ZNF420: variants seen among roughly 807,000 people sequenced by gnomAD.
ZNF420 encodes the protein zinc finger protein 420.
In ZNF420, 31 loss-of-function variants were observed where a neutral mutation model predicts 44.7. That is an observed-to-expected ratio of 0.69 (90% confidence interval 0.52 to 0.94). The LOEUF (loss-of-function observed/expected upper bound fraction) is 0.94. Ranked by LOEUF, ZNF420 falls within the 40% of genes least tolerant of loss-of-function variation. The pLI is 0.00. For synonymous variants in ZNF420, 245 were observed against 267.4 expected (o/e 0.92, Z 0.82); for missense variants, 681 against 827.9 (o/e 0.82, Z 2.18).
At chr19:37,040,671 A>C (rs1205985110) in intron 1 of ZNF420, among the ~76,000 whole-genome samples, 3 of 152,198 alleles carry the variant, frequency 2.0e-5, no homozygotes, top group African/African-American at 7.2e-5. Context: ...AGAGGTTATC[A>C]TAAGATCAAA....
chr19:37,098,313 G>A (rs1373445349), intron 4 of ZNF420, among the ~76,000 whole-genome samples: 1 of 152,112 alleles, frequency 6.6e-6, no homozygotes, highest in Non-Finnish European at 1.5e-5. Context: ...GGAATCTATT[G>A]CCTTGAATAT....
rs540461506 is a variant in ZNF420, at chr19:37,090,898, C to T, written c.10-97C>T. The T allele has an allele frequency of 2.2e-5, 29 of 1,304,646 alleles. No homozygotes were observed. In the African/African-American group the frequency reaches 2.6e-4, roughly 12 times the overall value. 80.8% of individuals were successfully genotyped at this position (1,304,646 alleles called of 1,614,324 possible). On this transcript the variant is annotated intron_variant, in intron 3 of 4. Coordinates refer to ENST00000337995, the MANE Select transcript of ZNF420 (RefSeq NM_144689.5). ...TCGCGCCACTGCACTCCAGCCTGAG[C>T]GACAGAGCAAGACTCCATCTCAAAA...
intron 1 of ZNF420, among the ~76,000 whole-genome samples, chr19:37,049,022 CAT>C (rs1275571830): frequency 1.3e-5 from 2 of 152,042 alleles, no homozygotes; most frequent in Non-Finnish European, 2.9e-5. Flanking sequence ...CAGCTTCATC[CAT>C]GTCCCTACAA....
intron 4 of ZNF420, among the ~76,000 whole-genome samples, chr19:37,123,568 G>A (rs1971171971): frequency 7.2e-6 from 1 of 139,560 alleles, no homozygotes; most frequent in Admixed American, 7.2e-5. Flanking sequence ...TCACTTCATT[G>A]CTTGACTTCT....
At chr19:37,015,274 C>T (rs1220839170) in intron 1 of ZNF420, among the ~76,000 whole-genome samples, 1 of 152,234 alleles carries the variant, frequency 6.6e-6, no homozygotes, top group East Asian at 1.9e-4. Flanking sequence ...GCCCCACGTC[C>T]TTTGTTTTGC....
chr19:37,084,504 T>A (rs193015485), intron 2 of ZNF420, among the ~76,000 whole-genome samples: 3 of 152,324 alleles, frequency 2.0e-5, no homozygotes, highest in Admixed American at 6.5e-5. Flanking sequence ...TCATGTAATA[T>A]CTTTGTGAGG....
chr19:37,018,118 A>G (rs1453260672), intron 1 of ZNF420, among the ~76,000 whole-genome samples: 1 of 152,240 alleles, frequency 6.6e-6, no homozygotes, highest in Non-Finnish European at 1.5e-5. Flanking sequence ...GACTTGTCCA[A>G]TGAAAACTAC....
At chr19:37,095,105 TA>T (rs1454000247) in intron 4 of ZNF420, among the ~76,000 whole-genome samples, 2 of 144,098 alleles carry the variant, frequency 1.4e-5, no homozygotes, top group African/African-American at 5.2e-5. Flanking sequence ...CACTCCAGCC[TA>T]GTGATAGAGA....
chr19:37,129,140 G>C lies in ZNF420; in HGVS notation c.*82G>C. On this transcript the variant is annotated 3_prime_UTR_variant, in exon 5 of 5. Transcript: ENST00000337995. ...AATTCTCACAAATGTGAATATGGGC[G>C]CACATTTGCCTCATAAAGCACAGCA... 1.4e-6 allele frequency: 2 copies of C among 1,481,344 alleles called. No homozygotes were observed. The highest frequency in any genetic ancestry group is 9.1e-7 in the Non-Finnish European group (1 of 1,098,640). 91.8% of individuals were successfully genotyped at this position (1,481,344 alleles called of 1,614,324 possible). A position where few individuals can be genotyped will look rare whatever the true frequency, so the allele number is the denominator to read the frequency against.
At chr19:37,112,979 C>T (rs1853412429) in intron 4 of ZNF420, among the ~76,000 whole-genome samples, 1 of 152,130 alleles carries the variant, frequency 6.6e-6, no homozygotes, top group African/African-American at 2.4e-5. Flanking sequence ...CCGCTTGTGG[C>T]CGGGGACAGT....
At chr19:37,109,598 G>T (rs576506843) in intron 4 of ZNF420, 2 of 152,322 alleles carry the variant, frequency 1.3e-5, no homozygotes, top group East Asian at 3.9e-4. Context: ...TGATTGCAGT[G>T]TTTCTGTCTC....
chr19:37,104,187 T>G (rs950926382), intron 4 of ZNF420, among the ~76,000 whole-genome samples: 2 of 145,900 alleles, frequency 1.4e-5, no homozygotes, highest in Non-Finnish European at 3.0e-5. Context: ...CCTTCCTGTG[T>G]CCAAGTGTTC....
intron 2 of ZNF420, among the ~76,000 whole-genome samples, chr19:37,080,707 A>G (rs1968389962): frequency 6.6e-6 from 1 of 152,080 alleles, no homozygotes; most frequent in Non-Finnish European, 1.5e-5. Context: ...AACTTTTTTT[A>G]GCTTGTTATG....
intron 1 of ZNF420, among the ~76,000 whole-genome samples, chr19:37,058,576 C>G (rs1967802026): frequency 6.6e-6 from 1 of 152,058 alleles, no homozygotes; most frequent in Non-Finnish European, 1.5e-5. Flanking sequence ...TATGCAGAAA[C>G]CTCTCCGCTC....
intron 4 of ZNF420, 118 bp from the exon 5 acceptor site, chr19:37,127,006 TAATC>T (rs1004111781): frequency 3.5e-5 from 27 of 777,802 alleles, no homozygotes; most frequent in African/African-American, 1.2e-4. Context: ...TATGTCATAA[TAATC>T]AATATTTGAA....
chr19:37,075,087 C>T (rs1434478407), upstream of ZNF420: 2 of 152,176 alleles, frequency 1.3e-5, no homozygotes, highest in Admixed American at 1.3e-4. Context: ...AATCCAGTGC[C>T]AGGAAAGAGA....
intron 4 of ZNF420, among the ~76,000 whole-genome samples, chr19:37,123,133 T>C (rs551947112): frequency 1.1e-4 from 17 of 152,238 alleles, no homozygotes; most frequent in African/African-American, 3.4e-4. Flanking sequence ...CTTCAAAATA[T>C]ATCCACTATC....
intron 1 of ZNF420, among the ~76,000 whole-genome samples, chr19:37,047,073 A>G (rs1343599564): frequency 6.6e-6 from 1 of 151,804 alleles, no homozygotes; most frequent in African/African-American, 2.4e-5. Context: ...AGGATGAAAT[A>G]GGAGCCAATG....
intron 1 of ZNF420, chr19:37,024,980 T>G (rs1020116561): frequency 3.9e-5 from 8 of 206,918 alleles, no homozygotes; most frequent in Non-Finnish European, 7.6e-5. Flanking sequence ...AGGGCTTCTC[T>G]CCAGTATGAA....
Sources: allele counts gnomAD v4.1 joint callset (sites outside exome capture counted in the v4.1 genomes callset), GRCh38; gene constraint gnomAD v4.1.1; transcripts MANE v1.5; gene names NCBI Gene and HGNC (gene_info 2026-07-23, HGNC 2026-07-21).